Variants in FANCD2OS observed in about 807,000 individuals in gnomAD.
FANCD2OS encodes FANCD2 opposite strand.
FANCD2OS carries 11 observed loss-of-function variants against 13.2 expected under a neutral mutation model. The ratio of observed to expected loss-of-function variants is 0.83; its 90% confidence interval spans 0.52 to 1.38. FANCD2OS has a LOEUF of 1.38. FANCD2OS is among the 40% of genes most tolerant of loss of function. The pLI, the probability that FANCD2OS is intolerant of heterozygous loss-of-function variation, is 0.00. For missense variants in FANCD2OS, 217 were observed against 213.9 expected (o/e 1.01, Z -0.09); for synonymous variants, 69 against 84.5 (o/e 0.82, Z 1.01).
At chr3:10,099,103 C>G (rs2125101765), downstream of FANCD2OS, 1 of 1,518,770 alleles carries the variant, frequency 6.6e-7, no homozygotes, top group East Asian at 2.4e-5. Flanking sequence ...ATATCTGAAA[C>G]CATTTTAGAA....
downstream of FANCD2OS, among the ~76,000 whole-genome samples, chr3:10,102,143 CTTT>C (rs747148572): frequency 3.8e-5 from 5 of 133,194 alleles, no homozygotes; most frequent in Non-Finnish European, 3.2e-5. Flanking sequence ...ATCTTCTTTC[CTTT>C]TTTTTTTTTT....
Position 10,095,737 on chromosome 3 carries a change from A to C in FANCD2OS, c.*43+8461T>G, listed in dbSNP as rs34470023. ...TTCCACTTGAAGCCTTCTTATAGTTAATGAGGTATTGTCACGTTTTGTCTG... is the reference window on the plus strand; with the variant it reads ...TTCCACTTGAAGCCTTCTTATAGTTCATGAGGTATTGTCACGTTTTGTCTG... On this transcript the variant is annotated intron_variant, in intron 2 of 2. Transcript: ENST00000524279. Among the ~76,000 whole-genome samples, 265 of 152,308 alleles carry C rather than the reference A, an allele frequency of 1.7e-3. 2 individuals carry two copies. Among genetic ancestry groups the C allele is most frequent in the Non-Finnish European group, 2.7e-3 (185 of 68,016 alleles).
exon 3 of FANCD2OS, chr3:10,081,410 T>A: frequency 1.9e-6 from 3 of 1,614,152 alleles, no homozygotes; most frequent in Non-Finnish European, 2.5e-6. Context: ...GAGTACCACA[T>A]AATGTCTTCC....
intron 2 of FANCD2OS, chr3:10,092,376 C>A: frequency 2.5e-6 from 2 of 799,570 alleles, no homozygotes; most frequent in South Asian, 2.7e-5. Flanking sequence ...CTCCCTGAGT[C>A]GTCTTCTTCC....
At chr3:10,097,339 TATAGGAG>T (rs1432983794) in intron 2 of FANCD2OS, among the ~76,000 whole-genome samples, 4 of 152,178 alleles carry the variant, frequency 2.6e-5, no homozygotes, top group Non-Finnish European at 5.9e-5. Flanking sequence ...CTGGGAGCGC[TATAGGAG>T]ACTGGAGTTT....
In FANCD2OS at chr3:10,084,494, C is replaced by T. The variant is rs959990609; in HGVS notation, c.*44-2963G>A. On this transcript the variant is annotated intron_variant, in intron 2 of 2. Transcript: ENST00000524279. ...TTTTTCTTTGGTAGAGACGGGGTTT[C>T]GCCATGTTGCCCCCAGGCTGGTCTT... 3.0e-4 allele frequency among the ~76,000 whole-genome samples: 45 copies of T among 151,702 alleles called. 2 individuals carry two copies. Among genetic ancestry groups the T allele is most frequent in the African/African-American group, 9.7e-4 (40 of 41,368 alleles).
intron 2 of FANCD2OS, chr3:10,081,594 G>A (rs1046950018): frequency 5.8e-5 from 46 of 791,670 alleles, no homozygotes; most frequent in Admixed American, 1.0e-4. Context: ...CATTAATTTT[G>A]TGGGAGTGTT....
chr3:10,093,328 G>A lies in FANCD2OS; in HGVS notation c.*43+10870C>T, dbSNP rs1694763294. ...GTTCTGCATGTATGTTTGAAGGTGA[G>A]AGATTTACTGGGCCCTGTTTCATAT... On this transcript the variant is annotated intron_variant, in intron 2 of 2. Transcript: ENST00000524279. 1.2e-6 allele frequency: 2 copies of A among 1,608,074 alleles called. No individual in the cohort carries two copies. Among genetic ancestry groups the A allele is most frequent in the Non-Finnish European group, 1.7e-6 (2 of 1,174,596 alleles).
Position 10,093,237 on chromosome 3 carries a change from T to A in FANCD2OS, c.*43+10961A>T, listed in dbSNP as rs757053371. The A allele has an allele frequency of 3.9e-6, 6 of 1,520,876 alleles. No homozygotes were observed. In the South Asian group the frequency reaches 6.7e-5, roughly 17 times the overall value. 94.2% of individuals were successfully genotyped at this position (1,520,876 alleles called of 1,614,324 possible). ...CGCAGCGGGAAAGAGGCTGGAGTGC[T>A]CAAAGGAGCAGATCTCAGCCTTGGT... On this transcript the variant is annotated intron_variant, in intron 2 of 2. Coordinates refer to the FANCD2OS transcript ENST00000524279.
At chr3:10,087,371 A>G (rs1559403833) in intron 2 of FANCD2OS, 3 of 1,100,676 alleles carry the variant, frequency 2.7e-6, no homozygotes, top group Non-Finnish European at 3.9e-6. Context: ...GTAAATCCCC[A>G]CATAACCTTG....
intron 2 of FANCD2OS, chr3:10,081,557 G>T (rs756389891): frequency 3.7e-4 from 341 of 929,436 alleles, no homozygotes; most frequent in Middle Eastern, 6.5e-4. Flanking sequence ...GAAAGAAAAG[G>T]TTCAAAAATC....
chr3:10,089,253 C>T (rs1694434122), intron 2 of FANCD2OS, among the ~76,000 whole-genome samples: 3 of 151,782 alleles, frequency 2.0e-5, no homozygotes, highest in Admixed American at 6.6e-5. Context: ...CCACTGCACT[C>T]CAGCCTGGGC....
chr3:10,088,906 C>G lies in FANCD2OS; in HGVS notation c.*44-7375G>C, dbSNP rs780098296. 3 of 1,614,064 alleles carry G rather than the reference C, an allele frequency of 1.9e-6. No individual in the cohort carries two copies. The South Asian group carries it at 3.3e-5, about 18-fold the overall frequency. On this transcript the variant is annotated intron_variant, in intron 2 of 2. Transcript: ENST00000524279. ...GTGTTGGTGTCCCAGAACTGATCAA[C>G]TCTCCTAAAGATGCATCTTCCTCCA...
At chr3:10,088,402 A>C (rs1229429828) in intron 2 of FANCD2OS, 1 of 1,109,900 alleles carries the variant, frequency 9.0e-7, no homozygotes, top group South Asian at 1.2e-5. Flanking sequence ...AGCAAGAATG[A>C]GGTCAAGTTC....
chr3:10,088,685 T>C, intron 2 of FANCD2OS: 1 of 1,098,950 alleles, frequency 9.1e-7, no homozygotes, highest in South Asian at 1.3e-5. Flanking sequence ...ATTTGGAACA[T>C]GTGGATCTTA....
chr3:10,090,571 G>A (rs1473439968), intron 2 of FANCD2OS, among the ~76,000 whole-genome samples: 1 of 146,976 alleles, frequency 6.8e-6, no homozygotes, highest in Non-Finnish European at 1.5e-5. Context: ...CAATTCTCCT[G>A]CCTCAGACTC....
At chr3:10,091,891 G>A (rs1317627400) in intron 2 of FANCD2OS, among the ~76,000 whole-genome samples, 3 of 152,274 alleles carry the variant, frequency 2.0e-5, no homozygotes, top group African/African-American at 7.2e-5. Flanking sequence ...TCAGGAGTTC[G>A]AGACTAGCCT....
rs35870339 is a variant in FANCD2OS, at chr3:10,088,167, T to C, written c.*44-6636A>G. On this transcript the variant is annotated intron_variant, in intron 2 of 2. Transcript: ENST00000524279. ...TCCCACTGCCCAGCAGCATTCCTTT[T>C]CTCTGTGTGTCTGTATTTATGTTCA... Among the ~76,000 whole-genome samples the C allele has an allele frequency of 3.2e-3, 491 of 152,248 alleles. 10 individuals carry two copies. In the South Asian group the frequency reaches 0.039, roughly 12 times the overall value.
At chr3:10,095,385 C>A in intron 2 of FANCD2OS, 1 of 904,758 alleles carries the variant, frequency 1.1e-6, no homozygotes, top group Non-Finnish European at 1.8e-6. Context: ...GGGACTGTGT[C>A]TGTCCAAAGG....
Sources: gnomAD v4.1 joint callset for allele counts (sites outside exome capture counted in the v4.1 genomes callset) on GRCh38, gnomAD v4.1.1 for gene constraint, MANE v1.5 for transcripts, NCBI Gene and HGNC (gene_info 2026-07-23, HGNC 2026-07-21) for gene names.